Variants in CCSER1 observed in about 807,000 individuals in gnomAD.
CCSER1 encodes coiled-coil serine rich protein 1, also known as serine-rich coiled-coil domain-containing protein 1.
Under a neutral mutation model 82.0 loss-of-function variants are expected in CCSER1, and 41 were observed. The observed-to-expected ratio is 0.50, with a 90% confidence interval of 0.39 to 0.65. CCSER1 has a LOEUF of 0.65. Among genes scored for constraint, CCSER1 ranks in the 30% least tolerant of loss-of-function variants. CCSER1 has a pLI of 0.00. For synonymous variants in CCSER1, 414 were observed against 383.9 expected (o/e 1.08, Z -0.92); for missense variants, 1,119 against 1,064.2 (o/e 1.05, Z -0.72).
At chr4:90,885,338 A>C (rs977750490) in intron 8 of CCSER1, among the ~76,000 whole-genome samples, 14 of 152,194 alleles carry the variant, frequency 9.2e-5, no homozygotes, top group Middle Eastern at 3.2e-3. Flanking sequence ...TGTATTTCTG[A>C]ATATTGAAGA....
chr4:90,290,232 A>C (rs1476860138), intron 1 of CCSER1, among the ~76,000 whole-genome samples: 1 of 151,908 alleles, frequency 6.6e-6, no homozygotes, highest in African/African-American at 2.4e-5. Flanking sequence ...CCAGAATGCT[A>C]TACTAAGATG....
At chr4:91,439,697 G>C (rs1353204940) in intron 10 of CCSER1, among the ~76,000 whole-genome samples, 3 of 152,010 alleles carry the variant, frequency 2.0e-5, no homozygotes, top group Non-Finnish European at 2.9e-5. Context: ...AGACCCATCA[G>C]TGTGCTGTAT....
At position 90,312,926 on chromosome 4, in the gene CCSER1, C is replaced by A. The variant is rs765248535; in HGVS notation, c.1388C>A (p.Ser463Ter). ...TTTATAGAGAGGAGACTGCGATCCTCGTCAGAAGGCACTGCAGGGAGTAGC... is the reference window on the plus strand; with the variant it reads ...TTTATAGAGAGGAGACTGCGATCCTAGTCAGAAGGCACTGCAGGGAGTAGC... ...GRFIERRLRS[S>*]SEGTAGSSRM... The change falls in exon 3 of 11, where the codon TCG (serine) becomes TAG (stop). Residue 463 changes from serine to a stop codon, truncating the protein, a stop_gained. Coordinates refer to ENST00000509176, the MANE Select transcript of CCSER1 (RefSeq NM_001145065.2). LOFTEE classifies it high-confidence loss of function. 6.3e-7 allele frequency: 1 copy of A among 1,587,088 alleles called. No homozygotes were observed. Among genetic ancestry groups the A allele is most frequent in the Admixed American group, 1.8e-5 (1 of 55,918 alleles).
At chr4:90,534,489 G>GTGTGTGTGT in intron 5 of CCSER1, among the ~76,000 whole-genome samples, 1 of 140,726 alleles carries the variant, frequency 7.1e-6, no homozygotes, top group Admixed American at 7.1e-5. Flanking sequence ...GTGTGTGTGT[G>GTGTGTGTGT]ATGTTTACCT....
chr4:91,171,372 G>C (rs1048177379), intron 10 of CCSER1, among the ~76,000 whole-genome samples: 1 of 152,154 alleles, frequency 6.6e-6, no homozygotes. Context: ...GCAGACATCT[G>C]TTTGCTTAAT....
intron 9 of CCSER1, 147 bp from the exon 10 acceptor site, chr4:91,085,803 C>G: frequency 1.7e-6 from 1 of 597,550 alleles, no homozygotes; most frequent in Non-Finnish European, 3.0e-6. Flanking sequence ...TAGACACATA[C>G]ACACCCATGA....
At chr4:91,448,321 C>T (rs1194806948) in intron 10 of CCSER1, among the ~76,000 whole-genome samples, 1 of 152,058 alleles carries the variant, frequency 6.6e-6, no homozygotes, top group Non-Finnish European at 1.5e-5. Flanking sequence ...TCCTGTTCTT[C>T]TTTAAATGTA....
chr4:90,328,303 C>A (rs1205307182), intron 3 of CCSER1, among the ~76,000 whole-genome samples: 2 of 151,102 alleles, frequency 1.3e-5, no homozygotes, highest in East Asian at 3.9e-4. Flanking sequence ...GAGAAATATG[C>A]AGTGATTTTG....
intron 10 of CCSER1, among the ~76,000 whole-genome samples, chr4:91,506,590 T>C (rs2110105052): frequency 6.6e-6 from 1 of 152,310 alleles, no homozygotes; most frequent in Admixed American, 6.5e-5. Flanking sequence ...TTCCCATTTG[T>C]TTAAATTCTT....
intron 10 of CCSER1, among the ~76,000 whole-genome samples, chr4:91,178,036 A>G (rs1475893952): frequency 6.6e-6 from 1 of 152,200 alleles, no homozygotes; most frequent in South Asian, 2.1e-4. Flanking sequence ...GTTTCAAAGA[A>G]CATCTTTATA....
intron 5 of CCSER1, among the ~76,000 whole-genome samples, chr4:90,544,174 A>G: frequency 6.6e-6 from 1 of 152,110 alleles, no homozygotes; most frequent in Non-Finnish European, 1.5e-5. Context: ...AGCTATTGGA[A>G]TCCTTTGTCG....
intron 10 of CCSER1, among the ~76,000 whole-genome samples, chr4:91,256,651 T>G (rs1357111973): frequency 1.3e-5 from 2 of 152,174 alleles, no homozygotes; most frequent in African/African-American, 4.8e-5. Context: ...GCTGAAATAT[T>G]AGGGGCTGGT....
At chr4:91,230,024 C>A (rs1738501134) in intron 10 of CCSER1, among the ~76,000 whole-genome samples, 1 of 152,060 alleles carries the variant, frequency 6.6e-6, no homozygotes, top group Non-Finnish European at 1.5e-5. Flanking sequence ...TTTTGTACCC[C>A]ACCAAATATT....
chr4:91,044,120 G>C (rs1439813060), intron 9 of CCSER1, among the ~76,000 whole-genome samples: 1 of 152,132 alleles, frequency 6.6e-6, no homozygotes, highest in Non-Finnish European at 1.5e-5. Context: ...TGGGGTCTGG[G>C]CAAAAATGAA....
At chr4:90,563,630 A>G (rs1480404373) in intron 5 of CCSER1, among the ~76,000 whole-genome samples, 1 of 151,912 alleles carries the variant, frequency 6.6e-6, no homozygotes, top group Non-Finnish European at 1.5e-5. Context: ...TTCTTTTTTG[A>G]GGGTAGTTAC....
intron 8 of CCSER1, among the ~76,000 whole-genome samples, chr4:90,892,194 G>GT (rs1561315260): frequency 6.6e-6 from 1 of 152,016 alleles, no homozygotes; most frequent in Non-Finnish European, 1.5e-5. Flanking sequence ...CATGGGTAGA[G>GT]TTTTTTTGAT....
intron 6 of CCSER1, among the ~76,000 whole-genome samples, chr4:90,674,087 G>A (rs964845535): frequency 6.6e-6 from 1 of 151,938 alleles, no homozygotes; most frequent in Non-Finnish European, 1.5e-5. Flanking sequence ...TCATAAGACT[G>A]ACAAAAGGCC....
chr4:91,516,515 G>C (rs1013496393), intron 10 of CCSER1, among the ~76,000 whole-genome samples: 1 of 152,098 alleles, frequency 6.6e-6, no homozygotes, highest in African/African-American at 2.4e-5. Context: ...TTAGATGGTT[G>C]TAAGTGTGCA....
At chr4:91,117,689 C>A (rs1726741137) in intron 10 of CCSER1, among the ~76,000 whole-genome samples, 1 of 151,908 alleles carries the variant, frequency 6.6e-6, no homozygotes, top group Non-Finnish European at 1.5e-5. Flanking sequence ...AAAGCCAATG[C>A]CATAGGCAGA....
Sources: allele counts gnomAD v4.1 joint callset (sites outside exome capture counted in the v4.1 genomes callset), GRCh38; gene constraint gnomAD v4.1.1; transcripts MANE v1.5; gene names NCBI Gene and HGNC (gene_info 2026-07-23, HGNC 2026-07-21).